ADIPOQ: variants seen among roughly 807,000 people sequenced by gnomAD.
ADIPOQ encodes adiponectin, C1Q and collagen domain containing, also known as adiponectin.
ADIPOQ carries 19 observed loss-of-function variants against 16.1 expected under a neutral mutation model. The ratio of observed to expected loss-of-function variants is 1.18; its 90% confidence interval spans 0.82 to 1.73. ADIPOQ has a LOEUF of 1.73. Ranked by LOEUF, ADIPOQ falls within the 40% of genes most tolerant of loss-of-function variation. The pLI, the probability that ADIPOQ is intolerant of heterozygous loss-of-function variation, is 0.00. For missense variants in ADIPOQ, 323 were observed against 308.3 expected (o/e 1.05, Z -0.36); for synonymous variants, 124 against 125.5 (o/e 0.99, Z 0.08).
At chr3:186,847,707 G>A (rs1711615145) in intron 1 of ADIPOQ, among the ~76,000 whole-genome samples, 1 of 152,164 alleles carries the variant, frequency 6.6e-6, no homozygotes, top group East Asian at 1.9e-4. Context: ...GGAACTTTTA[G>A]TGCCATGCTA....
rs754140932 is a variant in ADIPOQ at position 186,854,566 on chromosome 3, C to T, written c.597C>T (p.Gly199=). The stretch of plus-strand genomic sequence containing the variant: ...AAAATAATGTGGACCAGGCCTCCGG[C>T]TCTGTGCTCCTGCATCTGGAGGTGG... ...YQENNVDQAS[G]SVLLHLEVGD... The change falls in exon 3 of 3, where the codon GGC becomes GGT. Residue 199 remains glycine, a synonymous_variant. Transcript: ENST00000320741. 3.7e-6 allele frequency: 6 copies of T among 1,614,058 alleles called. No homozygotes were observed. Among genetic ancestry groups the T allele is most frequent in the Non-Finnish European group, 4.2e-6 (5 of 1,179,912 alleles).
At position 186,848,201 on chromosome 3, in the gene ADIPOQ, A is replaced by AGAAG. The variant is rs373987417; in HGVS notation, c.-8-4826_-8-4823dup. Among the ~76,000 whole-genome samples the AGAAG allele has an allele frequency of 1.7e-3, 224 of 132,606 alleles. 3 individuals are homozygous for AGAAG. Among genetic ancestry groups the AGAAG allele is most frequent in the South Asian group, 4.2e-3 (16 of 3,822 alleles). The allele number at this position is 132,606 out of a possible 152,430, so 87.0% of individuals were successfully genotyped here. ...AACAAAAAAAAAAGAGAGAGAGAAA[A>AGAAG]GAAGGAAGGAAGGAAGGAAGGAAGG... On this transcript the variant is annotated intron_variant, in intron 1 of 2. Coordinates refer to ENST00000320741, the MANE Select transcript of ADIPOQ (RefSeq NM_004797.4).
At position 186,854,289 on chromosome 3, in the gene ADIPOQ, G is replaced by A. The variant is rs1332135494; in HGVS notation, c.320G>A (p.Gly107Asp). The change falls in exon 3 of 3, where the codon GGT (glycine) becomes GAT (aspartate). Residue 107 changes from glycine (G) to aspartate (D), a missense_variant. Gly to Asp is a moderately conservative substitution (Grantham distance 94). Coordinates refer to ENST00000320741, the MANE Select transcript of ADIPOQ (RefSeq NM_004797.4). The part of the protein sequence containing the change: ...IQGRKGEPGE[G>D]AYVYRSAFSV... ...GGCAGGAAAGGAGAACCTGGAGAAG[G>A]TGCCTATGTATACCGCTCAGCATTC... The A allele has an allele frequency of 6.8e-6, 11 of 1,614,082 alleles. No homozygotes were observed. The highest frequency in any genetic ancestry group is 1.6e-4 in the Middle Eastern group (1 of 6,084).
In ADIPOQ at chr3:186,857,690, T is replaced by A. The variant is rs1712057372; in HGVS notation, c.*2986T>A. ...CCTGTGATGCTTTGAAGTACAATTG[T>A]GGATTTGTCCAATTCTCTTTAGTTC... On this transcript the variant is annotated 3_prime_UTR_variant, in exon 3 of 3. Coordinates refer to ENST00000320741, the MANE Select transcript of ADIPOQ (RefSeq NM_004797.4). 1 of 152,204 alleles carries A rather than the reference T, an allele frequency of 6.6e-6. No individual in the cohort carries two copies. Among genetic ancestry groups the A allele is most frequent in the Non-Finnish European group, 1.5e-5 (1 of 68,052 alleles). 9.4% of individuals were successfully genotyped at this position (152,204 alleles called of 1,614,324 possible). A position where few individuals can be genotyped will look rare whatever the true frequency, so the allele number is the denominator to read the frequency against.
Position 186,854,864 on chromosome 3 carries a change from A to G in ADIPOQ, c.*160A>G. On this transcript the variant is annotated 3_prime_UTR_variant, in exon 3 of 3. Coordinates refer to ENST00000320741, the MANE Select transcript of ADIPOQ (RefSeq NM_004797.4). ...TTCATTCATTCATCGAGTAACTTTA[A>G]AAAAATCATATGCTATGTTCCCAGT... 1 of 1,052,552 alleles carries G rather than the reference A, an allele frequency of 9.5e-7. No individual in the cohort carries two copies. The allele number at this position is 1,052,552 out of a possible 1,614,324, so 65.2% of individuals were successfully genotyped here.
At chr3:186,851,334 T>G (rs1711760270) in intron 1 of ADIPOQ, among the ~76,000 whole-genome samples, 1 of 152,178 alleles carries the variant, frequency 6.6e-6, no homozygotes, top group African/African-American at 2.4e-5. Context: ...TAGGACCTAT[T>G]TCTCTCTGTG....
At chr3:186,844,505 C>T (rs1218167891) in intron 1 of ADIPOQ, among the ~76,000 whole-genome samples, 3 of 92,370 alleles carry the variant, frequency 3.2e-5, no homozygotes, top group African/African-American at 1.3e-4. Flanking sequence ...AAGCAAAACT[C>T]CATCTCAAAA....
intron 1 of ADIPOQ, among the ~76,000 whole-genome samples, chr3:186,844,172 C>T (rs751559942): frequency 1.3e-5 from 2 of 152,186 alleles, no homozygotes; most frequent in Non-Finnish European, 2.9e-5. Flanking sequence ...GTCCCTGCTG[C>T]CACTCTTCCT....
In ADIPOQ at chr3:186,853,257, GAGAA is replaced by G; in HGVS notation, c.202_205del (p.Lys68GlufsTer100). ...AGATGGCACCCCTGGTGAGAAGGGTGAGAAAGGAGATCCAGGTAAGAATGTTTCT... is the reference window on the plus strand; with the variant it reads ...AGATGGCACCCCTGGTGAGAAGGGTGAGGAGATCCAGGTAAGAATGTTTCT... On this transcript the variant is annotated frameshift_variant, in exon 2 of 3. Transcript: ENST00000320741. LOFTEE classifies it high-confidence loss of function. 1.2e-6 allele frequency: 2 copies of G among 1,604,780 alleles called. No homozygotes were observed. The highest frequency in any genetic ancestry group is 1.7e-6 in the Non-Finnish European group (2 of 1,175,474).
chr3:186,856,830 T>C lies in ADIPOQ; in HGVS notation c.*2126T>C, dbSNP rs535678242. ...CATTCACAACAGAAAACCCAAAATA[T>C]TATGCAAACTACTGTAAGCAAGAAA... On this transcript the variant is annotated 3_prime_UTR_variant, in exon 3 of 3. Coordinates refer to ENST00000320741, the MANE Select transcript of ADIPOQ (RefSeq NM_004797.4). The C allele has an allele frequency of 2.6e-5, 4 of 152,194 alleles. No individual in the cohort carries two copies. The highest frequency in any genetic ancestry group is 9.6e-5 in the African/African-American group (4 of 41,544). The allele number at this position is 152,194 out of a possible 1,614,324, so 9.4% of individuals were successfully genotyped here. A position where few individuals can be genotyped will look rare whatever the true frequency, so the allele number is the denominator to read the frequency against.
chr3:186,853,103 T>A lies in ADIPOQ; in HGVS notation c.45T>A (p.Gly15=), dbSNP rs2241766. 6.2e-7 allele frequency: 1 copy of A among 1,614,028 alleles called. No individual in the cohort carries two copies. Among genetic ancestry groups the A allele is most frequent in the African/African-American group, 1.3e-5 (1 of 75,012 alleles). ...TTCTACTGCTATTAGCTCTGCCCGG[T>A]CATGACCAGGAAACCACGACTCAAG... ...GAVLLLLALP[G]HDQETTTQGP... Residue 15 remains glycine (G), a synonymous_variant, in exon 2 of 3, where the codon GGT becomes GGA. Coordinates refer to ENST00000320741, the MANE Select transcript of ADIPOQ (RefSeq NM_004797.4).
chr3:186,858,391 T>TTTTTTTTTTTTTTTTGAG lies in ADIPOQ; in HGVS notation c.*3687_*3688insTTTTTTTTTTTTTTTGAG, dbSNP rs1345114800. The TTTTTTTTTTTTTTTTGAG allele has an allele frequency of 6.6e-6, 1 of 152,064 alleles. No homozygotes were observed. Among genetic ancestry groups the TTTTTTTTTTTTTTTTGAG allele is most frequent in the Non-Finnish European group, 1.5e-5 (1 of 67,974 alleles). The allele number at this position is 152,064 out of a possible 1,614,324, so 9.4% of individuals were successfully genotyped here. A position where few individuals can be genotyped will look rare whatever the true frequency, so the allele number is the denominator to read the frequency against. ...ACTGCATGTAGTTGGGTATAATTTT[T>TTTTTTTTTTTTTTTTGAG]ATCCAGTCTAAAAATATCTGTCTTT... is the stretch of plus-strand genomic sequence containing the variant. On this transcript the variant is annotated 3_prime_UTR_variant, in exon 3 of 3. Coordinates refer to ENST00000320741, the MANE Select transcript of ADIPOQ (RefSeq NM_004797.4).
At chr3:186,848,934 T>G (rs1419856236) in intron 1 of ADIPOQ, among the ~76,000 whole-genome samples, 1 of 152,214 alleles carries the variant, frequency 6.6e-6, no homozygotes, top group African/African-American at 2.4e-5. Flanking sequence ...GCTCCTGTGC[T>G]AATCACACTC....
intron 1 of ADIPOQ, among the ~76,000 whole-genome samples, chr3:186,848,115 G>A (rs569657977): frequency 6.6e-6 from 1 of 151,090 alleles, no homozygotes; most frequent in South Asian, 2.1e-4. Context: ...GGAGGTTGCA[G>A]TGAGCCAAGA....
At position 186,857,597 on chromosome 3, in the gene ADIPOQ, C is replaced by G. The variant is rs1335302191; in HGVS notation, c.*2893C>G. 1 of 152,120 alleles carries G rather than the reference C, an allele frequency of 6.6e-6. No homozygotes were observed. Among genetic ancestry groups the G allele is most frequent in the African/African-American group, 2.4e-5 (1 of 41,412 alleles). The allele number at this position is 152,120 out of a possible 1,614,324, so 9.4% of individuals were successfully genotyped here. A position where few individuals can be genotyped will look rare whatever the true frequency, so the allele number is the denominator to read the frequency against. ...TTATTCCTTTGTGGAACCAGAGGCA[C>G]AGAGAGAGTCAACTGAGGCCAAAAG... is the stretch of plus-strand genomic sequence containing the variant. On this transcript the variant is annotated 3_prime_UTR_variant, in exon 3 of 3. Transcript: ENST00000320741.
Position 186,854,292 on chromosome 3 carries a change from C to T in ADIPOQ, c.323C>T (p.Ala108Val), listed in dbSNP as rs72563731. ...QGRKGEPGEG[A>V]YVYRSAFSVG... is the part of the protein sequence containing the mutation. ...AGGAAAGGAGAACCTGGAGAAGGTG[C>T]CTATGTATACCGCTCAGCATTCAGT... The change falls in exon 3 of 3, where the codon GCC becomes GTC. Residue 108 changes from alanine (A) to valine (V), a missense_variant. Ala to Val is a moderately conservative substitution (Grantham distance 64). Coordinates refer to ENST00000320741, the MANE Select transcript of ADIPOQ (RefSeq NM_004797.4). 4.0e-5 allele frequency: 65 copies of T among 1,614,182 alleles called. No individual in the cohort carries two copies. The African/African-American group carries it at 8.0e-4, about 20-fold the overall frequency.
At chr3:186,845,108 G>GT (rs1553804738) in intron 1 of ADIPOQ, among the ~76,000 whole-genome samples, 2 of 151,012 alleles carry the variant, frequency 1.3e-5, no homozygotes, top group Non-Finnish European at 3.0e-5. Context: ...GTGTATGTGT[G>GT]GGGGGGGGTG....
At chr3:186,853,911 G>T (rs1352962881) in intron 2 of ADIPOQ, 3 of 359,338 alleles carry the variant, frequency 8.3e-6, no homozygotes, top group Non-Finnish European at 1.5e-5. Flanking sequence ...CAGGGTTGAT[G>T]GTGCCAGCAC....
intron 1 of ADIPOQ, among the ~76,000 whole-genome samples, chr3:186,850,031 G>C (rs1047220457): frequency 6.6e-6 from 1 of 152,136 alleles, no homozygotes; most frequent in Non-Finnish European, 1.5e-5. Flanking sequence ...GACTTTGGGA[G>C]CCCAAGGCGG....
Sources: gnomAD v4.1 joint callset for allele counts (sites outside exome capture counted in the v4.1 genomes callset) on GRCh38, gnomAD v4.1.1 for gene constraint, MANE v1.5 for transcripts, NCBI Gene and HGNC (gene_info 2026-07-23, HGNC 2026-07-21) for gene names.